Variants in MINK1 observed in about 807,000 individuals in gnomAD.
The protein encoded by MINK1 is misshapen-like kinase 1.
Under a neutral mutation model 178.4 loss-of-function variants are expected in MINK1, and 46 were observed. The observed-to-expected ratio is 0.26, with a 90% confidence interval of 0.20 to 0.33. The LOEUF (loss-of-function observed/expected upper bound fraction) is 0.33, where lower values mean the gene tolerates loss of function less well. Ranked by LOEUF, MINK1 falls within the 10% of genes least tolerant of loss-of-function variation. The pLI is 1.00. For synonymous variants in MINK1, 797 were observed against 709.7 expected (o/e 1.12, Z -1.96); for missense variants, 1,366 against 1,814.9 (o/e 0.75, Z 4.49).
chr17:4,869,188 T>C (rs1915491608), intron 1 of MINK1, among the ~76,000 whole-genome samples: 2 of 151,880 alleles, frequency 1.3e-5, no homozygotes, highest in South Asian at 2.1e-4. Context: ...CCTCCCAAAG[T>C]GCTGGGATTA....
Position 4,894,975 on chromosome 17 carries a change from C to T in MINK1, c.2918-100C>T, listed in dbSNP as rs902205733. On this transcript the variant is annotated intron_variant, in intron 24 of 31. Coordinates refer to ENST00000355280, the MANE Select transcript of MINK1 (RefSeq NM_153827.5). The surrounding 1 kb of genome is among the most constrained non-coding windows in gnomAD (Gnocchi z 4.1). ...CCTCCTGTCTTTCTCCTCCTTTCTG[C>T]GTATTATGAGGTGCCAAGACCTGAT... is the stretch of plus-strand genomic sequence containing the variant. The T allele has an allele frequency of 8.7e-6, 11 of 1,262,128 alleles. No individual in the cohort carries two copies. The highest frequency in any genetic ancestry group is 4.9e-5 in the East Asian group (2 of 40,642). The allele number at this position is 1,262,128 out of a possible 1,614,324, so 78.2% of individuals were successfully genotyped here. A position where few individuals can be genotyped will look rare whatever the true frequency, so the allele number is the denominator to read the frequency against.
At chr17:4,839,006 C>T (rs539567930) in intron 1 of MINK1, among the ~76,000 whole-genome samples, 108 of 151,662 alleles carry the variant, frequency 7.1e-4, no homozygotes, top group East Asian at 2.9e-3. Flanking sequence ...TGCAGTGGCG[C>T]GATCTTGGCT....
chr17:4,856,245 C>G (rs534100396), intron 1 of MINK1, among the ~76,000 whole-genome samples: 1 of 152,234 alleles, frequency 6.6e-6, no homozygotes, highest in African/African-American at 2.4e-5. Flanking sequence ...CTTCTTCAGG[C>G]CTGGGAGGCC....
At chr17:4,892,091 A>G (rs1968879953) in intron 16 of MINK1, 58 bp from the exon 17 acceptor site, 1 of 1,405,990 alleles carries the variant, frequency 7.1e-7, no homozygotes, top group Non-Finnish European at 9.8e-7. Context: ...TGAGGCTTAA[A>G]CATCTGAGAA....
chr17:4,878,480 G>A (rs1192679352), intron 2 of MINK1, 98 bp downstream of exon 2: 5 of 1,116,704 alleles, frequency 4.5e-6, no homozygotes, highest in Non-Finnish European at 3.9e-6. Flanking sequence ...TCTGAAGGGG[G>A]CTATGGGAGA....
At chr17:4,882,417 C>G (rs1967786325) in intron 4 of MINK1, among the ~76,000 whole-genome samples, 1 of 152,202 alleles carries the variant, frequency 6.6e-6, no homozygotes, top group Non-Finnish European at 1.5e-5. Context: ...AGACCCAGAG[C>G]CCTCCTCATC....
rs1212804032 is a variant in MINK1 at position 4,891,470 on chromosome 17, C to T, written c.1755C>T (p.His585=). 6.3e-7 allele frequency: 1 copy of T among 1,582,338 alleles called. No homozygotes were observed. Among genetic ancestry groups the T allele is most frequent in the East Asian group, 2.3e-5 (1 of 44,310 alleles). The change falls in exon 16 of 32, where the codon CAC becomes CAT. Residue 585 remains histidine (H), a synonymous_variant. Coordinates refer to ENST00000355280, the MANE Select transcript of MINK1 (RefSeq NM_153827.5). ...TCTCCCTGCAGAGCCTGGTGGCACA[C>T]CGGGTCCCACTGAAGCCATATGCAG... ...QEGPHKSLVA[H]RVPLKPYAAP...
At chr17:4,872,105 G>A (rs761612405) in intron 1 of MINK1, among the ~76,000 whole-genome samples, 1 of 152,074 alleles carries the variant, frequency 6.6e-6, no homozygotes, top group African/African-American at 2.4e-5. Context: ...CGAGGTGGGC[G>A]GATCACTTGA....
chr17:4,890,775 A>G lies in MINK1; in HGVS notation c.1566+40A>G, dbSNP rs937391934. ...CTTTGCCTCCTGAGACTGCAGTCCC[A>G]CTGCCTGAGGCCTGGAGAGCCACAA... is the stretch of plus-strand genomic sequence containing the variant. On this transcript the variant is annotated intron_variant, in intron 14 of 31. Transcript: ENST00000355280. The G allele has an allele frequency of 2.0e-6, 3 of 1,535,222 alleles. No homozygotes were observed. The African/African-American group carries it at 4.1e-5, about 21-fold the overall frequency.
intron 1 of MINK1, among the ~76,000 whole-genome samples, chr17:4,874,717 G>A (rs1244279789): frequency 2.0e-5 from 3 of 152,058 alleles, no homozygotes; most frequent in African/African-American, 4.8e-5. Context: ...GGGGGTGAGA[G>A]ACCACAACCA....
intron 2 of MINK1, among the ~76,000 whole-genome samples, chr17:4,880,287 C>T (rs565586352): frequency 1.6e-3 from 246 of 150,404 alleles, no homozygotes; most frequent in African/African-American, 5.6e-3. Context: ...GGGGTACTTG[C>T]TTTTTTTCTT....
chr17:4,877,944 GGGACTAC>G (rs1287159816), intron 1 of MINK1, among the ~76,000 whole-genome samples: 1 of 151,532 alleles, frequency 6.6e-6, no homozygotes, highest in Non-Finnish European at 1.5e-5. Flanking sequence ...CCAAGTAGCT[GGGACTAC>G]AGGCGCCCGC....
At position 4,867,087 on chromosome 17, in the gene MINK1, A is replaced by AATAAT. The variant is rs1328373195; in HGVS notation, c.58-11228_58-11224dup. Among the ~76,000 whole-genome samples the AATAAT allele has an allele frequency of 3.5e-5, 5 of 143,622 alleles. No homozygotes were observed. The Admixed American group carries it at 3.5e-4, about 10-fold the overall frequency. 94.2% of individuals were successfully genotyped at this position (143,622 alleles called of 152,430 possible). A position where few individuals can be genotyped will look rare whatever the true frequency, so the allele number is the denominator to read the frequency against. On this transcript the variant is annotated intron_variant, in intron 1 of 31. Coordinates refer to ENST00000355280, the MANE Select transcript of MINK1 (RefSeq NM_153827.5). ...AGACTCGTCTCAAAATAATAATAATAATAATAATAATAATAATAAACTGCA... is the reference window on the plus strand; with the variant it reads ...AGACTCGTCTCAAAATAATAATAATAATAATATAATAATAATAATAATAAACTGCA...
rs541841365 is a variant in MINK1 at position 4,881,236 on chromosome 17, G to T, written c.285G>T (p.Pro95=). 6.5e-7 allele frequency: 1 copy of T among 1,536,960 alleles called. No individual in the cohort carries two copies. Among genetic ancestry groups the T allele is most frequent in the Non-Finnish European group, 8.7e-7 (1 of 1,146,860 alleles). ...YYGAFIKKSP[P]GNDDQLWLVM... Reference sequence around the variant, plus strand: ...GAGCCTTCATCAAGAAGAGCCCCCCGGGAAACGATGACCAGCTCTGGGTGA... The same window carrying T: ...GAGCCTTCATCAAGAAGAGCCCCCCTGGAAACGATGACCAGCTCTGGGTGA... The change falls in exon 4 of 32, where the codon CCG becomes CCT. Residue 95 remains proline (P), a synonymous_variant. Transcript: ENST00000355280.
At chr17:4,875,562 C>G (rs1967105098) in intron 1 of MINK1, 1 of 445,256 alleles carries the variant, frequency 2.2e-6, no homozygotes, top group Non-Finnish European at 4.5e-6. Context: ...CACCTGAGGT[C>G]AAGAGTTTGA....
intron 12 of MINK1, 113 bp from the exon 13 acceptor site, chr17:4,889,534 C>G: frequency 1.1e-6 from 1 of 925,530 alleles, no homozygotes; most frequent in Non-Finnish European, 1.7e-6. Context: ...GGAAGCCGGT[C>G]TCTCTTACCA....
At chr17:4,857,470 T>G (rs1449340041) in intron 1 of MINK1, 1 of 143,044 alleles carries the variant, frequency 7.0e-6, no homozygotes, top group African/African-American at 2.6e-5. Context: ...TTTTTTTTTT[T>G]TTTTTTTTTT....
chr17:4,834,738 C>T (rs1218151981), intron 1 of MINK1: 2 of 519,762 alleles, frequency 3.8e-6, no homozygotes, highest in African/African-American at 1.9e-5. Flanking sequence ...AGCGCTCTCA[C>T]CAGGCCAAGG....
At chr17:4,892,065 G>A (rs1968878115) in intron 16 of MINK1, 84 bp from the exon 17 acceptor site, 4 of 1,105,398 alleles carry the variant, frequency 3.6e-6, no homozygotes, top group Non-Finnish European at 5.3e-6. Flanking sequence ...AAGTGGGGGA[G>A]CTCACCTCTC....
Sources: allele counts gnomAD v4.1 joint callset (sites outside exome capture counted in the v4.1 genomes callset), GRCh38; gene constraint gnomAD v4.1.1; non-coding constraint Gnocchi (gnomAD v3.1); transcripts MANE v1.5; gene names NCBI Gene and HGNC (gene_info 2026-07-23, HGNC 2026-07-21).